The following PLCG2 variants were observed in gnomAD, a reference collection of about 807,000 sequenced individuals.
PLCG2 encodes the protein phospholipase C gamma 2.
Under a neutral mutation model 175.6 loss-of-function variants are expected in PLCG2, and 69 were observed. That is an observed-to-expected ratio of 0.39 (90% CI 0.32 to 0.48). The LOEUF is 0.48. Among genes scored for constraint, PLCG2 ranks in the 20% least tolerant of loss-of-function variants. The pLI is 0.91. For synonymous variants in PLCG2, 827 were observed against 624.0 expected, an observed-to-expected ratio of 1.33 and a Z score of -4.85; for missense variants, 1,798 against 1,650.9, an observed-to-expected ratio of 1.09 and a Z score of -1.54.
intron 1 of PLCG2, among the ~76,000 whole-genome samples, chr16:81,744,238 G>A (rs1459277363): frequency 6.7e-6 from 1 of 149,998 alleles, no homozygotes; most frequent in Non-Finnish European, 1.5e-5. Flanking sequence ...AGTGATTTTG[G>A]CTCACTGTCA....
rs1487353613 is a variant in PLCG2, at chr16:81,923,585, C to T, written c.2408C>T (p.Pro803Leu). The change falls in exon 22 of 33, where the codon CCC (proline) becomes CTC (leucine). Residue 803 changes from proline to leucine, a missense_variant. Transcript: ENST00000564138. Reference protein sequence around the residue: ...GALIHNVSKEPGGWWKGDYGT... With the variant: ...GALIHNVSKELGGWWKGDYGT... ...CTCATCCACAATGTCTCCAAGGAGC[C>T]CGGGGGCTGGTAAGGCTGAGTGGAG... 3 of 1,608,034 alleles carry T rather than the reference C, an allele frequency of 1.9e-6. No homozygotes were observed. The highest frequency in any genetic ancestry group is 3.3e-5 in the Admixed American group (2 of 59,964).
chr16:81,821,921 G>C (rs1472362516), intron 2 of PLCG2, among the ~76,000 whole-genome samples: 1 of 151,924 alleles, frequency 6.6e-6, no homozygotes, highest in Non-Finnish European at 1.5e-5. Flanking sequence ...ACAGGCCTGG[G>C]GTTCCATCCC....
At chr16:81,891,890 G>T (rs1908655035) in intron 11 of PLCG2, among the ~76,000 whole-genome samples, 1 of 152,108 alleles carries the variant, frequency 6.6e-6, no homozygotes, top group East Asian at 1.9e-4. Flanking sequence ...AGTTTTTCAC[G>T]ATTTGGGCAT....
chr16:81,750,644 AG>A (rs1909789920), intron 1 of PLCG2, among the ~76,000 whole-genome samples: 1 of 139,876 alleles, frequency 7.1e-6, no homozygotes, highest in Admixed American at 7.4e-5. Flanking sequence ...GCATTTAAAA[AG>A]CAGAATGGGG....
At chr16:81,915,019 C>G (rs1318760383) in intron 19 of PLCG2, among the ~76,000 whole-genome samples, 1 of 152,208 alleles carries the variant, frequency 6.6e-6, no homozygotes, top group Non-Finnish European at 1.5e-5. Flanking sequence ...TGCCCCAGGA[C>G]ACACACTTTT....
intron 1 of PLCG2, among the ~76,000 whole-genome samples, chr16:81,750,839 A>G (rs1909797465): frequency 6.6e-6 from 1 of 150,524 alleles, no homozygotes; most frequent in Non-Finnish European, 1.5e-5. Flanking sequence ...GCACCTGGCT[A>G]ATTTTTTGTA....
intron 2 of PLCG2, among the ~76,000 whole-genome samples, chr16:81,845,668 G>C (rs12926234): frequency 0.29 from 44,563 of 152,132 alleles, 7,307 homozygotes; most frequent in Non-Finnish European, 0.37. Context: ...GCACTGCGTT[G>C]AGCGCAGTGG....
At chr16:81,791,889 T>C (rs1284638099) in intron 2 of PLCG2, among the ~76,000 whole-genome samples, 1 of 151,982 alleles carries the variant, frequency 6.6e-6, no homozygotes, top group Non-Finnish European at 1.5e-5. Flanking sequence ...TGACCAAACA[T>C]CTACCATGTG....
intron 2 of PLCG2, among the ~76,000 whole-genome samples, chr16:81,828,384 C>A (rs1438192307): frequency 6.6e-6 from 1 of 151,512 alleles, no homozygotes; most frequent in Non-Finnish European, 1.5e-5. Context: ...ACTACAGGTG[C>A]CTGCCACCAC....
At chr16:81,859,375 G>A (rs1343309892) in intron 5 of PLCG2, 2 of 522,776 alleles carry the variant, frequency 3.8e-6, no homozygotes, top group Non-Finnish European at 6.9e-6. Flanking sequence ...TTCAAGTACA[G>A]CCTCAGAGAT....
upstream of PLCG2, among the ~76,000 whole-genome samples, chr16:81,777,479 C>T (rs1910445138): frequency 6.6e-6 from 1 of 151,094 alleles, no homozygotes; most frequent in South Asian, 2.1e-4. Flanking sequence ...GGAATTGCCC[C>T]TAGATGTAGT....
In PLCG2 at chr16:81,869,223, C is replaced by T. The variant is rs1283689118; in HGVS notation, c.489C>T (p.Leu163=). The T allele has an allele frequency of 1.2e-6, 2 of 1,613,632 alleles. No homozygotes were observed. Among genetic ancestry groups the T allele is most frequent in the Non-Finnish European group, 1.7e-6 (2 of 1,179,486 alleles). The change falls in exon 6 of 33, where the codon CTC becomes CTT. Residue 163 remains leucine, a synonymous_variant. Coordinates refer to ENST00000564138, the MANE Select transcript of PLCG2 (RefSeq NM_002661.5). ...TCTCCCTCTTTTGCAGCATCAGTCTCCGAGAGTTGAAGACCATCTTGCCCC... is the reference window on the plus strand; with the variant it reads ...TCTCCCTCTTTTGCAGCATCAGTCTTCGAGAGTTGAAGACCATCTTGCCCC... ...VDQTRRNSIS[L]RELKTILPLI...
At position 81,908,538 on chromosome 16, in the gene PLCG2, C is replaced by T; in HGVS notation, c.1680C>T (p.Thr560=). The change falls in exon 17 of 33, where the codon ACC becomes ACT. Residue 560 remains threonine, a synonymous_variant. Transcript: ENST00000564138. ...TGGAGACGGGGGGCAAGGATGGCAC[C>T]TTCCTGGTTCGGGAGAGCGAGACCT... ...YCMETGGKDG[T]FLVRESETFP... 6.2e-7 allele frequency: 1 copy of T among 1,613,534 alleles called. No homozygotes were observed. The highest frequency in any genetic ancestry group is 1.3e-5 in the African/African-American group (1 of 75,014).
chr16:81,811,430 A>G lies in PLCG2; in HGVS notation c.193+25248A>G, dbSNP rs1321320956. On this transcript the variant is annotated intron_variant, in intron 2 of 32. Coordinates refer to ENST00000564138, the MANE Select transcript of PLCG2 (RefSeq NM_002661.5). Reference sequence around the variant, plus strand: ...TGTTAGTCACCTGAGAAGATGATGGATTCCCTAGGCTGGGAACTGGTTTCA... The same window carrying G: ...TGTTAGTCACCTGAGAAGATGATGGGTTCCCTAGGCTGGGAACTGGTTTCA... Among the ~76,000 whole-genome samples the G allele has an allele frequency of 2.0e-5, 3 of 152,120 alleles. No homozygotes were observed. The East Asian group carries it at 5.8e-4, about 29-fold the overall frequency.
At chr16:81,880,637 C>G (rs1240208858) in intron 7 of PLCG2, among the ~76,000 whole-genome samples, 3 of 152,166 alleles carry the variant, frequency 2.0e-5, no homozygotes, top group Non-Finnish European at 4.4e-5. Context: ...ATGAATATCC[C>G]TAAAACAAAT....
intron 1 of PLCG2, among the ~76,000 whole-genome samples, chr16:81,783,816 A>G (rs531436762): frequency 1.3e-3 from 187 of 142,200 alleles, no homozygotes; most frequent in African/African-American, 4.5e-3. Flanking sequence ...TAAGATGCAC[A>G]TTAACTCTCA....
intron 30 of PLCG2, among the ~76,000 whole-genome samples, chr16:81,944,676 A>G (rs754972759): frequency 6.6e-5 from 10 of 152,116 alleles, no homozygotes; most frequent in East Asian, 1.9e-4. Context: ...GGGTCTTGCT[A>G]TGTTGCCTAG....
At chr16:81,828,149 C>T (rs1339901979) in intron 2 of PLCG2, among the ~76,000 whole-genome samples, 4 of 148,314 alleles carry the variant, frequency 2.7e-5, no homozygotes, top group Non-Finnish European at 5.9e-5. Context: ...GCAAAATGAT[C>T]TTCACCTGAC....
chr16:81,830,805 A>T (rs1597342960), intron 2 of PLCG2, among the ~76,000 whole-genome samples: 1 of 150,986 alleles, frequency 6.6e-6, no homozygotes, highest in South Asian at 2.1e-4. Context: ...GTGGAGGGGG[A>T]TGGGAAGGGT....
Sources: allele counts gnomAD v4.1 joint callset (sites outside exome capture counted in the v4.1 genomes callset), GRCh38; gene constraint gnomAD v4.1.1; transcripts MANE v1.5; gene names NCBI Gene and HGNC (gene_info 2026-07-23, HGNC 2026-07-21).